CCDC83: variants seen among roughly 807,000 people sequenced by gnomAD.
CCDC83 encodes coiled-coil domain-containing protein 83.
In CCDC83, 54 loss-of-function variants were observed where a neutral mutation model predicts 50.1. The observed-to-expected ratio is 1.08, with a 90% CI of 0.87 to 1.35. The LOEUF is 1.35. CCDC83 is among the 40% of genes most tolerant of loss of function. The pLI is 0.00. For synonymous variants in CCDC83, 161 were observed against 153.3 expected, an observed-to-expected ratio of 1.05 and a Z score of -0.37; for missense variants, 518 against 473.9, an observed-to-expected ratio of 1.09 and a Z score of -0.86.
intron 7 of CCDC83, among the ~76,000 whole-genome samples, chr11:85,904,298 G>C (rs1022787264): frequency 6.6e-6 from 1 of 152,158 alleles, no homozygotes; most frequent in Admixed American, 6.5e-5. Context: ...ATAATAAATG[G>C]AGAAGTAGGT....
intron 5 of CCDC83, among the ~76,000 whole-genome samples, chr11:85,891,267 C>T (rs2093349322): frequency 6.6e-6 from 1 of 152,194 alleles, no homozygotes; most frequent in Non-Finnish European, 1.5e-5. Flanking sequence ...CCTCATGGGT[C>T]ACCAGTCAGC....
chr11:85,880,997 T>C (rs1278294930), intron 3 of CCDC83, among the ~76,000 whole-genome samples: 2 of 152,208 alleles, frequency 1.3e-5, no homozygotes, highest in African/African-American at 4.8e-5. Context: ...TTGGTGTGCC[T>C]GCATTTTGAC....
intron 3 of CCDC83, among the ~76,000 whole-genome samples, chr11:85,880,688 A>G (rs184152598): frequency 6.6e-6 from 1 of 151,734 alleles, no homozygotes; most frequent in Admixed American, 6.6e-5. Flanking sequence ...ACAGTTCTTT[A>G]TTTTCATCAC....
At chr11:85,915,574 G>C in intron 9 of CCDC83, 76 bp downstream of exon 9, 1 of 987,744 alleles carries the variant, frequency 1.0e-6, no homozygotes, top group Non-Finnish European at 1.5e-6. Flanking sequence ...CTTACCTATT[G>C]TGAGCAGGTG....
intron 3 of CCDC83, 35 bp from the exon 4 acceptor site, chr11:85,882,478 G>C: frequency 3.1e-6 from 5 of 1,607,126 alleles, no homozygotes; most frequent in Non-Finnish European, 4.3e-6. Context: ...GTACATAGTT[G>C]ATCAAACGTG....
chr11:85,901,901 C>A (rs545495144), intron 7 of CCDC83, among the ~76,000 whole-genome samples: 1 of 151,784 alleles, frequency 6.6e-6, no homozygotes, highest in African/African-American at 2.4e-5. Flanking sequence ...CATGGTGGTG[C>A]AGGCCTGTGG....
At chr11:85,905,970 A>AAG (rs1491126118) in intron 7 of CCDC83, among the ~76,000 whole-genome samples, 12 of 110,348 alleles carry the variant, frequency 1.1e-4, no homozygotes, top group African/African-American at 4.2e-4. Flanking sequence ...ACTCCGTCTC[A>AAG]AAAAAAAAAA....
intron 1 of CCDC83, among the ~76,000 whole-genome samples, chr11:85,856,140 T>C (rs1242542377): frequency 2.7e-5 from 4 of 147,222 alleles, no homozygotes; most frequent in African/African-American, 5.1e-5. Flanking sequence ...AGAGAGAGAG[T>C]TGAGGAAGTG....
chr11:85,863,610 G>C (rs2093190244), intron 1 of CCDC83, among the ~76,000 whole-genome samples: 1 of 152,232 alleles, frequency 6.6e-6, no homozygotes, highest in Admixed American at 6.5e-5. Flanking sequence ...GGAAGTCTGA[G>C]TGTGCAGGCA....
chr11:85,882,465 A>G (rs1277860038), intron 3 of CCDC83, 48 bp from the exon 4 acceptor site: 1 of 1,562,832 alleles, frequency 6.4e-7, no homozygotes, highest in Non-Finnish European at 8.7e-7. Flanking sequence ...GAGGAAACAT[A>G]GTGTACATAG....
intron 5 of CCDC83, among the ~76,000 whole-genome samples, chr11:85,889,775 G>C (rs979129450): frequency 1.3e-5 from 2 of 152,200 alleles, no homozygotes; most frequent in East Asian, 3.9e-4. Context: ...TTACATGCAA[G>C]GAAGAGAGAT....
At chr11:85,874,967 T>C (rs1288348174) in intron 3 of CCDC83, among the ~76,000 whole-genome samples, 1 of 152,228 alleles carries the variant, frequency 6.6e-6, no homozygotes, top group Non-Finnish European at 1.5e-5. Context: ...GTCTGGGTTC[T>C]TGACTCACAA....
chr11:85,915,114 T>C (rs72947601), intron 8 of CCDC83, among the ~76,000 whole-genome samples: 31,123 of 152,030 alleles, frequency 0.2, 3,693 homozygotes, highest in Middle Eastern at 0.26. Context: ...CTAAACTGTA[T>C]CAAAGACTAA....
chr11:85,895,871 C>T (rs565457299), intron 6 of CCDC83, among the ~76,000 whole-genome samples: 3 of 152,100 alleles, frequency 2.0e-5, no homozygotes, highest in South Asian at 2.1e-4. Flanking sequence ...TGGAGTGCAG[C>T]GGCACAATCA....
chr11:85,919,737 A>C lies in CCDC83; in HGVS notation c.*227A>C, dbSNP rs138870384. ...TTTGTATTTCTACACTGAAGTATTC[A>C]GAAGCATGACAGTGGGTTCAAGGTA... On this transcript the variant is annotated 3_prime_UTR_variant, in exon 11 of 11. Transcript: ENST00000342404. The C allele has an allele frequency of 1.3e-3, 618 of 470,310 alleles. 6 individuals carry two copies. The highest frequency in any genetic ancestry group is 0.011 in the African/African-American group (559 of 49,600). The allele number at this position is 470,310 out of a possible 1,614,324, so 29.1% of individuals were successfully genotyped here. A position where few individuals can be genotyped will look rare whatever the true frequency, so the allele number is the denominator to read the frequency against.
chr11:85,915,387 TGACA>T, intron 8 of CCDC83, 28 bp from the exon 9 acceptor site: 1 of 1,481,854 alleles, frequency 6.7e-7, no homozygotes, highest in Non-Finnish European at 9.4e-7. Context: ...ATTTATTGAC[TGACA>T]GATTGTTTTT....
At chr11:85,900,568 GA>G (rs2093396580) in intron 7 of CCDC83, among the ~76,000 whole-genome samples, 2 of 152,086 alleles carry the variant, frequency 1.3e-5, no homozygotes, top group Non-Finnish European at 2.9e-5. Context: ...CAGTGGTGGG[GA>G]AAATCCATGC....
chr11:85,857,008 C>T (rs563998597), intron 1 of CCDC83, among the ~76,000 whole-genome samples: 20 of 152,322 alleles, frequency 1.3e-4, no homozygotes, highest in Non-Finnish European at 2.4e-4. Flanking sequence ...ACCCCCTGCC[C>T]AGTGCCATAC....
chr11:85,859,949 G>A (rs2093165687), intron 1 of CCDC83, among the ~76,000 whole-genome samples: 2 of 152,018 alleles, frequency 1.3e-5, no homozygotes, highest in African/African-American at 4.8e-5. Context: ...GAATCTATAA[G>A]GAACTTAATT....
Sources: allele counts gnomAD v4.1 joint callset (sites outside exome capture counted in the v4.1 genomes callset), GRCh38; gene constraint gnomAD v4.1.1; transcripts MANE v1.5; gene names NCBI Gene and HGNC (gene_info 2026-07-23, HGNC 2026-07-21).